Variants in SCARA3 observed in about 807,000 individuals in gnomAD.
The protein encoded by SCARA3 is scavenger receptor class A member 3, also known as cellular stress response gene protein.
Under a neutral mutation model 47.0 loss-of-function variants are expected in SCARA3, and 39 were observed. That is an observed-to-expected ratio of 0.83 (90% CI 0.64 to 1.08). The LOEUF is 1.08. SCARA3 is among the 50% of genes least tolerant of loss of function. SCARA3 has a pLI of 0.00. For synonymous variants in SCARA3, 356 were observed against 334.1 expected, an observed-to-expected ratio of 1.07 and a Z score of -0.71; for missense variants, 724 against 792.3, an observed-to-expected ratio of 0.91 and a Z score of 1.04.
At chr8:27,642,925 G>C (rs1158675262) in intron 1 of SCARA3, among the ~76,000 whole-genome samples, 2 of 152,326 alleles carry the variant, frequency 1.3e-5, no homozygotes, top group Admixed American at 1.3e-4. Context: ...GGTTGGTGCT[G>C]TGGACAGAGA....
intron 4 of SCARA3, among the ~76,000 whole-genome samples, chr8:27,657,611 G>T (rs896250678): frequency 5.5e-5 from 8 of 145,888 alleles, no homozygotes; most frequent in Non-Finnish European, 3.0e-5. Context: ...TGTGATCTCG[G>T]CTCACTGCAA....
At chr8:27,658,349 A>G in intron 4 of SCARA3, 147 bp from the exon 5 acceptor site, 3 of 688,068 alleles carry the variant, frequency 4.4e-6, no homozygotes, top group Non-Finnish European at 4.8e-6. Flanking sequence ...GGCTTTTTCA[A>G]GAAGGAATTC....
At chr8:27,729,793 T>C in the SCARA3 span, among the ~76,000 whole-genome samples, 1 of 151,046 alleles carries the variant, frequency 6.6e-6, no homozygotes, top group Non-Finnish European at 1.5e-5. Context: ...CATCTCCAAT[T>C]TAAAAAAATT....
the SCARA3 span, among the ~76,000 whole-genome samples, chr8:27,705,345 C>T: frequency 6.6e-6 from 1 of 152,222 alleles, no homozygotes; most frequent in Non-Finnish European, 1.5e-5. Flanking sequence ...CAAGTGGGGC[C>T]AGCTGGAGAG....
Position 27,659,011 on chromosome 8 carries a change from G to C in SCARA3, c.841G>C (p.Ala281Pro), listed in dbSNP as rs1801826892. Residue 281 changes from alanine (A) to proline (P), a missense_variant, in exon 5 of 6, where the codon GCC (alanine) becomes CCC (proline). Ala to Pro is a conservative substitution (Grantham distance 27). Transcript: ENST00000301904. Reference sequence around the variant, plus strand: ...TGGAGAGGCGGTCAAGAACATCCAGGCCACCCTGGGGGCCTCCTCACAGCG... The same window carrying C: ...TGGAGAGGCGGTCAAGAACATCCAGCCCACCCTGGGGGCCTCCTCACAGCG... Reference protein sequence around the residue: ...KTGEAVKNIQATLGASSQRIS... With the variant: ...KTGEAVKNIQPTLGASSQRIS... 6.2e-7 allele frequency: 1 copy of C among 1,613,912 alleles called. No individual in the cohort carries two copies. The highest frequency in any genetic ancestry group is 1.3e-5 in the African/African-American group (1 of 74,880).
chr8:27,732,486 A>G, the SCARA3 span, among the ~76,000 whole-genome samples: 1 of 152,242 alleles, frequency 6.6e-6, no homozygotes, highest in Non-Finnish European at 1.5e-5. Flanking sequence ...GAAATCAGAA[A>G]GACAAAACTA....
At chr8:27,666,559 T>C (rs1802019204) in intron 5 of SCARA3, among the ~76,000 whole-genome samples, 2 of 152,252 alleles carry the variant, frequency 1.3e-5, no homozygotes, top group African/African-American at 4.8e-5. Flanking sequence ...GAGGGGAGCC[T>C]GAGCCCCAGC....
At chr8:27,651,459 C>T in intron 2 of SCARA3, 49 bp from the exon 3 acceptor site, 1 of 1,596,106 alleles carries the variant, frequency 6.3e-7, no homozygotes. Context: ...CCTTCAGCTC[C>T]AACCTGGGCC....
At chr8:27,668,976 G>A (rs1312178838) in intron 5 of SCARA3, among the ~76,000 whole-genome samples, 1 of 152,208 alleles carries the variant, frequency 6.6e-6, no homozygotes, top group Non-Finnish European at 1.5e-5. Context: ...GTAGGAGCAG[G>A]GCAGGGCATC....
chr8:27,668,099 C>T (rs1295794960), intron 5 of SCARA3, among the ~76,000 whole-genome samples: 1 of 152,200 alleles, frequency 6.6e-6, no homozygotes, highest in Non-Finnish European at 1.5e-5. Context: ...GAGGCTTCTG[C>T]ATAAACATCC....
chr8:27,700,473 G>C, the SCARA3 span, among the ~76,000 whole-genome samples: 1 of 152,228 alleles, frequency 6.6e-6, no homozygotes, highest in East Asian at 1.9e-4. Flanking sequence ...TGGGCATGGT[G>C]GTGGGCTCCT....
the SCARA3 span, among the ~76,000 whole-genome samples, chr8:27,697,678 G>A: frequency 6.6e-6 from 1 of 152,092 alleles, no homozygotes; most frequent in Non-Finnish European, 1.5e-5. Flanking sequence ...GACCCGGTGG[G>A]AGATACTTGA....
rs886408182 is a variant in SCARA3 at position 27,633,977 on chromosome 8, G to A, written c.-224G>A. ...TCTGGGCGGCGGGGCGCGGCGCTAG[G>A]CGCCCGGCGGGGCTTCCCCAGGCTG... On this transcript the variant is annotated 5_prime_UTR_variant, in exon 1 of 6. Transcript: ENST00000301904. The A allele has an allele frequency of 2.2e-5, 5 of 228,156 alleles. No homozygotes were observed. The highest frequency in any genetic ancestry group is 4.2e-5 in the Non-Finnish European group (5 of 119,568). The allele number at this position is 228,156 out of a possible 1,614,324, so 14.1% of individuals were successfully genotyped here.
chr8:27,681,816 TTC>T, the SCARA3 span, among the ~76,000 whole-genome samples: 410 of 152,358 alleles, frequency 2.7e-3, 2 homozygotes, highest in Non-Finnish European at 4.2e-3. Flanking sequence ...ATATACCATG[TTC>T]ATGGATGATA....
the SCARA3 span, among the ~76,000 whole-genome samples, chr8:27,693,903 C>G: frequency 6.6e-6 from 1 of 152,152 alleles, no homozygotes; most frequent in Non-Finnish European, 1.5e-5. Context: ...TTGTTCTACC[C>G]TTCCAGATAG....
chr8:27,694,567 C>T, the SCARA3 span, among the ~76,000 whole-genome samples: 3 of 151,990 alleles, frequency 2.0e-5, no homozygotes, highest in East Asian at 1.9e-4. Flanking sequence ...TGAGGAAAAC[C>T]ATGTGTTGAA....
intron 2 of SCARA3, among the ~76,000 whole-genome samples, chr8:27,650,965 T>A (rs961384549): frequency 6.6e-6 from 1 of 152,148 alleles, no homozygotes; most frequent in African/African-American, 2.4e-5. Flanking sequence ...GCTCAAGTGA[T>A]CCCCCTGCCT....
chr8:27,645,796 C>T (rs1801480183), intron 1 of SCARA3, among the ~76,000 whole-genome samples: 1 of 152,170 alleles, frequency 6.6e-6, no homozygotes, highest in Non-Finnish European at 1.5e-5. Context: ...CCCTGCTTGG[C>T]CTAGTTCAAG....
chr8:27,658,994 C>A lies in SCARA3; in HGVS notation c.824C>A (p.Ala275Glu), dbSNP rs375513049. 1 of 1,614,108 alleles carries A rather than the reference C, an allele frequency of 6.2e-7. No homozygotes were observed. Among genetic ancestry groups the A allele is most frequent in the Non-Finnish European group, 8.5e-7 (1 of 1,180,014 alleles). ...ACCACCTCCACCAAGACTGGAGAGGCGGTCAAGAACATCCAGGCCACCCTG... is the reference window on the plus strand; with the variant it reads ...ACCACCTCCACCAAGACTGGAGAGGAGGTCAAGAACATCCAGGCCACCCTG... ...LRTTSTKTGE[A>E]VKNIQATLGA... Residue 275 changes from alanine to glutamate, a missense_variant, in exon 5 of 6, where the codon GCG (alanine) becomes GAG (glutamate). Transcript: ENST00000301904.
Sources: gnomAD v4.1 joint callset for allele counts (sites outside exome capture counted in the v4.1 genomes callset) on GRCh38, gnomAD v4.1.1 for gene constraint, MANE v1.5 for transcripts, NCBI Gene and HGNC (gene_info 2026-07-23, HGNC 2026-07-21) for gene names.